SEC22A: variants seen among roughly 807,000 people sequenced by gnomAD.
SEC22A encodes vesicle-trafficking protein SEC22a.
SEC22A carries 22 observed loss-of-function variants against 35.3 expected under a neutral mutation model. The ratio of observed to expected loss-of-function variants is 0.62; its 90% CI spans 0.45 to 0.89. The LOEUF is 0.89. Among genes scored for constraint, SEC22A ranks in the 40% least tolerant of loss-of-function variants. The pLI, the probability that SEC22A is intolerant of heterozygous loss-of-function variation, is 0.00. For synonymous variants in SEC22A, 119 were observed against 129.5 expected (o/e 0.92, Z 0.55); for missense variants, 354 against 362.5 (o/e 0.98, Z 0.19).
chr3:123,228,576 C>CAAAA (rs528536258), intron 4 of SEC22A, among the ~76,000 whole-genome samples: 2 of 83,056 alleles, frequency 2.4e-5, no homozygotes. Context: ...AACTCCATCT[C>CAAAA]AAAAAAAAAA....
rs144344758 is a variant in SEC22A, at chr3:123,265,951, A to G, written c.724-5571A>G. On this transcript the variant is annotated intron_variant, in intron 6 of 6. Transcript: ENST00000492595. The stretch of plus-strand genomic sequence containing the variant: ...ACATAGTCTCGATTACTGTAGCCGT[A>G]TAATAAGTCATAAATTTTCTTAGTA... 1.1e-3 allele frequency among the ~76,000 whole-genome samples: 173 copies of G among 152,332 alleles called. 4 individuals are homozygous for G. The East Asian group carries it at 0.024, about 21-fold the overall frequency.
At chr3:123,235,008 C>G (rs138571092) in intron 4 of SEC22A, among the ~76,000 whole-genome samples, 1,869 of 145,654 alleles carry the variant, frequency 0.013, 40 homozygotes, top group African/African-American at 0.047. Flanking sequence ...GGGCAACAGC[C>G]AGACCTTGTC....
intron 5 of SEC22A, 31 bp downstream of exon 5, chr3:123,246,045 CTG>C (rs1559760170): frequency 9.0e-7 from 1 of 1,109,946 alleles, no homozygotes; most frequent in East Asian, 2.3e-5. Flanking sequence ...TTTCAGGTGA[CTG>C]TGCCTCTTCA....
At chr3:123,245,561 T>C (rs1003340463) in intron 4 of SEC22A, among the ~76,000 whole-genome samples, 18 of 151,850 alleles carry the variant, frequency 1.2e-4, no homozygotes, top group African/African-American at 4.4e-4. Flanking sequence ...TAGCCAGGCA[T>C]GGTGGCACGT....
At chr3:123,259,739 G>A (rs2108098123) in intron 6 of SEC22A, 150 bp downstream of exon 6, 1 of 651,856 alleles carries the variant, frequency 1.5e-6, no homozygotes, top group Non-Finnish European at 2.7e-6. Flanking sequence ...TGTGACCTAT[G>A]TCTCCATTTT....
intron 4 of SEC22A, among the ~76,000 whole-genome samples, chr3:123,233,432 C>T (rs1430382252): frequency 6.6e-6 from 1 of 152,118 alleles, no homozygotes. Flanking sequence ...CCTAATGACA[C>T]ATTGTTCAGA....
At chr3:123,252,009 G>A (rs1264166921) in intron 5 of SEC22A, among the ~76,000 whole-genome samples, 3 of 152,160 alleles carry the variant, frequency 2.0e-5, no homozygotes, top group African/African-American at 7.2e-5. Context: ...AACTTTAGAG[G>A]TTTAAACCAG....
chr3:123,227,957 A>AC (rs938578706), intron 4 of SEC22A, among the ~76,000 whole-genome samples: 6 of 151,916 alleles, frequency 3.9e-5, no homozygotes, highest in African/African-American at 1.5e-4. Flanking sequence ...GAAAAAAAAA[A>AC]AAAAAACTCC....
intron 5 of SEC22A, among the ~76,000 whole-genome samples, chr3:123,255,811 T>G (rs1937716542): frequency 6.6e-6 from 1 of 152,180 alleles, no homozygotes. Flanking sequence ...TTCCTTTTGC[T>G]GCACCACATA....
At chr3:123,255,674 T>C (rs149537938) in intron 5 of SEC22A, among the ~76,000 whole-genome samples, 35 of 152,312 alleles carry the variant, frequency 2.3e-4, no homozygotes, top group African/African-American at 8.4e-4. Flanking sequence ...TTTATGAAAA[T>C]GATAGCATAC....
At chr3:123,207,736 G>A (rs1402048960) in intron 1 of SEC22A, among the ~76,000 whole-genome samples, 1 of 152,176 alleles carries the variant, frequency 6.6e-6, no homozygotes, top group Admixed American at 6.5e-5. Flanking sequence ...GAGCCACTGT[G>A]TATTTTATGA....
intron 5 of SEC22A, among the ~76,000 whole-genome samples, chr3:123,255,274 TG>T (rs367626344): frequency 1.3e-5 from 2 of 152,166 alleles, no homozygotes; most frequent in African/African-American, 4.8e-5. Flanking sequence ...TCTCCCGTTT[TG>T]TTTTGTTTTG....
At chr3:123,256,840 A>G (rs1476911723) in intron 5 of SEC22A, among the ~76,000 whole-genome samples, 2 of 148,610 alleles carry the variant, frequency 1.3e-5, no homozygotes, top group Non-Finnish European at 3.0e-5. Context: ...GCTCACTGCA[A>G]GCTCCACCTC....
intron 5 of SEC22A, among the ~76,000 whole-genome samples, chr3:123,257,995 G>GAAAAAAAAAAAA (rs61068587): frequency 4.8e-4 from 53 of 111,466 alleles, no homozygotes; most frequent in Non-Finnish European, 3.6e-4. Context: ...CCATCTCATT[G>GAAAAAAAAAAAA]AAAAAAAAAA....
chr3:123,257,601 A>C (rs144281413), intron 5 of SEC22A, among the ~76,000 whole-genome samples: 1,908 of 152,276 alleles, frequency 0.013, 39 homozygotes, highest in African/African-American at 0.044. Flanking sequence ...TGGGAGGCTG[A>C]GGCAGGAGAA....
At chr3:123,227,136 A>G (rs946942482) in intron 4 of SEC22A, among the ~76,000 whole-genome samples, 2 of 152,212 alleles carry the variant, frequency 1.3e-5, no homozygotes, top group African/African-American at 4.8e-5. Context: ...ACTTTTGCTT[A>G]AAATGAACAC....
At chr3:123,247,478 C>G (rs1937576766) in intron 5 of SEC22A, among the ~76,000 whole-genome samples, 1 of 152,184 alleles carries the variant, frequency 6.6e-6, no homozygotes, top group Non-Finnish European at 1.5e-5. Context: ...TTCAGGCACT[C>G]AGATATTATA....
At chr3:123,216,167 A>G (rs533300411) in intron 2 of SEC22A, among the ~76,000 whole-genome samples, 3 of 152,298 alleles carry the variant, frequency 2.0e-5, no homozygotes, top group South Asian at 4.1e-4. Context: ...AATTACTGTT[A>G]TAGTACAGTT....
At chr3:123,269,240 C>G (rs1321742438) in intron 6 of SEC22A, among the ~76,000 whole-genome samples, 4 of 138,118 alleles carry the variant, frequency 2.9e-5, no homozygotes, top group Non-Finnish European at 6.2e-5. Flanking sequence ...AATGCTAGCT[C>G]ATTTTTACAG....
Sources: gnomAD v4.1 joint callset for allele counts (sites outside exome capture counted in the v4.1 genomes callset) on GRCh38, gnomAD v4.1.1 for gene constraint, MANE v1.5 for transcripts, NCBI Gene and HGNC (gene_info 2026-07-23, HGNC 2026-07-21) for gene names.